Variants in RGS13 observed in about 807,000 individuals in gnomAD.
RGS13 encodes the protein regulator of G protein signaling 13.
Under a neutral mutation model 19.9 loss-of-function variants are expected in RGS13, and 14 were observed. The ratio of observed to expected loss-of-function variants is 0.70; its 90% confidence interval spans 0.46 to 1.10. The LOEUF is 1.10. RGS13 is among the 50% of genes least tolerant of loss of function. The probability of loss-of-function intolerance (pLI) is 0.00; values close to 1 mark genes in which losing one functional copy is unlikely to be tolerated. For synonymous variants in RGS13, 60 were observed against 56.8 expected (o/e 1.06, Z -0.25); for missense variants, 205 against 187.1 (o/e 1.10, Z -0.56).
At chr1:192,642,630 A>G (rs949540922) in intron 3 of RGS13, among the ~76,000 whole-genome samples, 1 of 151,862 alleles carries the variant, frequency 6.6e-6, no homozygotes, top group Non-Finnish European at 1.5e-5. Context: ...CTGAGCCTAA[A>G]TTCCTTTTAT....
intron 1 of RGS13, among the ~76,000 whole-genome samples, chr1:192,637,217 T>A (rs1002703390): frequency 1.3e-5 from 2 of 151,892 alleles, no homozygotes; most frequent in Admixed American, 1.3e-4. Context: ...CCTAAACTTG[T>A]TCTAAACACT....
chr1:192,651,606 G>GGAA (rs1272223099), intron 5 of RGS13, among the ~76,000 whole-genome samples: 3 of 152,024 alleles, frequency 2.0e-5, no homozygotes, highest in African/African-American at 4.8e-5. Context: ...ATGCAAAGTA[G>GGAA]GAAGAAGCAA....
intron 4 of RGS13, chr1:192,645,870 C>T (rs1170607811): frequency 1.2e-4 from 18 of 152,126 alleles, no homozygotes; most frequent in Admixed American, 1.2e-3. Context: ...GACAAAAGAA[C>T]TCTCTTACCA....
At chr1:192,639,230 G>A in intron 3 of RGS13, among the ~76,000 whole-genome samples, 1 of 152,074 alleles carries the variant, frequency 6.6e-6, no homozygotes, top group Non-Finnish European at 1.5e-5. Flanking sequence ...TCTCCTTTTG[G>A]ACCAGGCATC....
chr1:192,654,459 A>T (rs1663399807), intron 5 of RGS13, among the ~76,000 whole-genome samples: 1 of 152,024 alleles, frequency 6.6e-6, no homozygotes, highest in Admixed American at 6.6e-5. Flanking sequence ...AAAAATCAGA[A>T]ATTATTAACA....
chr1:192,647,924 A>G lies in RGS13; in HGVS notation c.66-2A>G, dbSNP rs781523198. ...ATCAGTGCTTTTTGTTTCTTTTCAA[A>G]GCCTTACTTTGGAGGAAGTATTACA... On this transcript the variant is annotated splice_acceptor_variant, in intron 4 of 6. Coordinates refer to ENST00000391995, the MANE Select transcript of RGS13 (RefSeq NM_002927.5). LOFTEE classifies it high-confidence loss of function. 6.9e-6 allele frequency: 11 copies of G among 1,583,024 alleles called. No individual in the cohort carries two copies. The highest frequency in any genetic ancestry group is 9.5e-6 in the Non-Finnish European group (11 of 1,163,604).
rs535174301 is a variant in RGS13 at position 192,637,954 on chromosome 1, C to G, written c.-44-210C>G. 7.9e-5 allele frequency among the ~76,000 whole-genome samples: 12 copies of G among 151,942 alleles called. No homozygotes were observed. The East Asian group carries it at 2.3e-3, about 29-fold the overall frequency. The stretch of plus-strand genomic sequence containing the variant: ...TAGAACATTCCCTTTATGGAATTAC[C>G]AAGGATATTTCTTAGAAGTTCTCAA... On this transcript the variant is annotated intron_variant, in intron 2 of 6. Transcript: ENST00000391995.
At chr1:192,641,232 G>GA (rs199758765) in intron 3 of RGS13, among the ~76,000 whole-genome samples, 5,442 of 83,338 alleles carry the variant, frequency 0.065, 179 homozygotes, top group East Asian at 0.17. Flanking sequence ...GAGAAAGAAA[G>GA]AAAGAAAGAA....
At chr1:192,648,961 T>C (rs963988652) in intron 5 of RGS13, among the ~76,000 whole-genome samples, 2 of 152,098 alleles carry the variant, frequency 1.3e-5, no homozygotes, top group African/African-American at 4.8e-5. Context: ...CAGTTGTCAC[T>C]GCCCAGCCCA....
chr1:192,647,839 C>T (rs1038109839), intron 4 of RGS13, 87 bp from the exon 5 acceptor site: 2 of 734,672 alleles, frequency 2.7e-6, no homozygotes, highest in African/African-American at 3.6e-5. Flanking sequence ...ATTTTGGTGT[C>T]ATTTTCAAGA....
chr1:192,643,870 T>G (rs987372705), intron 3 of RGS13, among the ~76,000 whole-genome samples: 1 of 152,120 alleles, frequency 6.6e-6, no homozygotes, highest in Admixed American at 6.6e-5. Flanking sequence ...GAGGGTCACC[T>G]AAGACTGGGG....
chr1:192,651,219 G>A (rs547328115), intron 5 of RGS13, among the ~76,000 whole-genome samples: 2 of 152,228 alleles, frequency 1.3e-5, no homozygotes, highest in South Asian at 4.1e-4. Context: ...GCTGTGAATT[G>A]TCAAAGACTG....
intron 5 of RGS13, among the ~76,000 whole-genome samples, chr1:192,651,920 G>C (rs138867540): frequency 1.1e-3 from 165 of 152,148 alleles, no homozygotes; most frequent in African/African-American, 3.8e-3. Flanking sequence ...TTGGTTGACT[G>C]GGCAGTGTTG....
chr1:192,645,417 T>C (rs1212058355), intron 4 of RGS13: 1 of 152,190 alleles, frequency 6.6e-6, no homozygotes, highest in South Asian at 2.1e-4. Context: ...ATTTTCATTA[T>C]AACATTGTGC....
rs150990634 is a variant in RGS13 at position 192,638,015 on chromosome 1, T to A, written c.-44-149T>A. 4.2e-4 allele frequency: 64 copies of A among 152,230 alleles called. 1 individual carries two copies. In the East Asian group the frequency reaches 0.011, roughly 27 times the overall value. 9.4% of individuals were successfully genotyped at this position (152,230 alleles called of 1,614,324 possible). A position where few individuals can be genotyped will look rare whatever the true frequency, so the allele number is the denominator to read the frequency against. ...GAGAGGATTTCATTCTGCCACTCTA[T>A]ATTGGTGCTATTAAACTGTCGATTG... On this transcript the variant is annotated intron_variant, in intron 2 of 6. Transcript: ENST00000391995.
At chr1:192,654,969 C>T (rs1041720293) in intron 5 of RGS13, among the ~76,000 whole-genome samples, 10 of 151,976 alleles carry the variant, frequency 6.6e-5, no homozygotes, top group Non-Finnish European at 1.5e-4. Context: ...CAAGCAGAAT[C>T]GCAGTCTTCT....
At position 192,636,324 on chromosome 1, in the gene RGS13, A is replaced by G. The variant is rs1663018837; in HGVS notation, c.-116+7A>G. On this transcript the variant is annotated splice_region_variant and intron_variant, in intron 1 of 6. Coordinates refer to ENST00000391995, the MANE Select transcript of RGS13 (RefSeq NM_002927.5). Reference sequence around the variant, plus strand: ...TGCTCGACAGGATATATTTGTAAGTATGAGATTCTATAAAATAGTTGATAA... The same window carrying G: ...TGCTCGACAGGATATATTTGTAAGTGTGAGATTCTATAAAATAGTTGATAA... 6.6e-6 allele frequency: 1 copy of G among 152,090 alleles called. No homozygotes were observed. The highest frequency in any genetic ancestry group is 2.4e-5 in the African/African-American group (1 of 41,444). 9.4% of individuals were successfully genotyped at this position (152,090 alleles called of 1,614,324 possible).
chr1:192,657,315 A>G (rs1427755421), intron 5 of RGS13, among the ~76,000 whole-genome samples: 3 of 152,148 alleles, frequency 2.0e-5, no homozygotes, highest in Admixed American at 6.6e-5. Context: ...AAAAAAATTA[A>G]TATCTTGAAC....
intron 5 of RGS13, among the ~76,000 whole-genome samples, chr1:192,657,055 G>C (rs977849873): frequency 6.6e-6 from 1 of 152,084 alleles, no homozygotes; most frequent in Admixed American, 6.6e-5. Context: ...GGAGGTGATA[G>C]ATATGTTTAT....
Sources: allele counts gnomAD v4.1 joint callset (sites outside exome capture counted in the v4.1 genomes callset), GRCh38; gene constraint gnomAD v4.1.1; transcripts MANE v1.5; gene names NCBI Gene and HGNC (gene_info 2026-07-23, HGNC 2026-07-21).